The following ANKRD17 variants were observed in gnomAD, a reference collection of about 807,000 sequenced individuals.
ANKRD17 encodes ankyrin repeat domain-containing protein 17.
ANKRD17 carries 19 observed loss-of-function variants against 229.7 expected under a neutral mutation model. That is an observed-to-expected ratio of 0.08 (90% CI 0.06 to 0.12). The LOEUF (loss-of-function observed/expected upper bound fraction) is 0.12, where lower values mean the gene tolerates loss of function less well. Ranked by LOEUF, ANKRD17 falls within the 10% of genes least tolerant of loss-of-function variation. The pLI is 1.00. For missense variants in ANKRD17, 2,176 were observed against 3,176.8 expected (o/e 0.68, Z 7.57); for synonymous variants, 1,112 against 1,146.1 (o/e 0.97, Z 0.60).
At chr4:73,236,014 A>G (rs1465310640) in intron 1 of ANKRD17, among the ~76,000 whole-genome samples, 1 of 151,528 alleles carries the variant, frequency 6.6e-6, no homozygotes, top group African/African-American at 2.4e-5. Flanking sequence ...ATAATTTAAA[A>G]TTTTCTAGCA....
At chr4:73,151,558 ATTT>A in intron 6 of ANKRD17, 34 bp from the exon 7 acceptor site, 1 of 1,365,314 alleles carries the variant, frequency 7.3e-7, no homozygotes, top group Middle Eastern at 1.9e-4. Flanking sequence ...ACTTGAAAAT[ATTT>A]TATTATTCCA....
chr4:73,199,358 C>T (rs1194235121), intron 1 of ANKRD17, among the ~76,000 whole-genome samples: 2 of 152,048 alleles, frequency 1.3e-5, no homozygotes, highest in African/African-American at 4.8e-5. Context: ...TGCCAAGCAC[C>T]TTTCATTCAT....
intron 3 of ANKRD17, among the ~76,000 whole-genome samples, chr4:73,160,800 C>T (rs562667581): frequency 1.1e-4 from 16 of 152,278 alleles, no homozygotes; most frequent in East Asian, 9.6e-4. Context: ...GTCAGAACTA[C>T]GCAAATGAAC....
chr4:73,235,743 G>A (rs1412568744), intron 1 of ANKRD17, among the ~76,000 whole-genome samples: 4 of 151,758 alleles, frequency 2.6e-5, no homozygotes, highest in Non-Finnish European at 4.4e-5. Context: ...ACCCTCAGAG[G>A]GAAAAAAGGC....
At chr4:73,176,191 C>A (rs780089943) in intron 2 of ANKRD17, among the ~76,000 whole-genome samples, 12 of 152,082 alleles carry the variant, frequency 7.9e-5, no homozygotes, top group Non-Finnish European at 1.6e-4. Flanking sequence ...GGCAAATACA[C>A]ATATGAAAAG....
rs1364840173 is a variant in ANKRD17, at chr4:73,142,670, A to G, written c.2055T>C (p.Ala685=). Reference sequence around the variant, plus strand: ...AACGGTGAGTAGGATCTGCCCCATGAGCCAAAAGTAGTTCCACCACTGCCA... The same window carrying G: ...AACGGTGAGTAGGATCTGCCCCATGGGCCAAAAGTAGTTCCACCACTGCCA... ...GHLAVVELLL[A]HGADPTHRLK... The change falls in exon 12 of 34, where the codon GCT becomes GCC. Residue 685 remains alanine, a synonymous_variant. Transcript: ENST00000358602. 6.2e-7 allele frequency: 1 copy of G among 1,613,948 alleles called. No individual in the cohort carries two copies. The highest frequency in any genetic ancestry group is 1.1e-5 in the South Asian group (1 of 91,088).
intron 24 of ANKRD17, among the ~76,000 whole-genome samples, chr4:73,103,701 A>G (rs1222839636): frequency 1.3e-5 from 2 of 152,312 alleles, no homozygotes; most frequent in African/African-American, 4.8e-5. Flanking sequence ...AACATGTAAA[A>G]CCAGTCCTCA....
At chr4:73,246,731 C>CA (rs1744538084) in intron 1 of ANKRD17, among the ~76,000 whole-genome samples, 1 of 151,802 alleles carries the variant, frequency 6.6e-6, no homozygotes, top group Admixed American at 6.6e-5. Context: ...AGATGACCAA[C>CA]AAAAAACAGT....
chr4:73,123,437 C>T (rs1330938124), intron 18 of ANKRD17, among the ~76,000 whole-genome samples: 2 of 151,938 alleles, frequency 1.3e-5, no homozygotes, highest in African/African-American at 4.8e-5. Flanking sequence ...AAAAAAGTGA[C>T]ACAAGTAGAA....
chr4:73,250,589 CAAAAAAAAA>C lies in ANKRD17; in HGVS notation c.393+7678_393+7686del, dbSNP rs35160047. Among the ~76,000 whole-genome samples the C allele has an allele frequency of 4.6e-3, 135 of 29,412 alleles. 2 individuals are homozygous for C. Among genetic ancestry groups the C allele is most frequent in the Middle Eastern group, 0.038 (1 of 26 alleles). The allele number at this position is 29,412 out of a possible 152,430, so 19.3% of individuals were successfully genotyped here. A position where few individuals can be genotyped will look rare whatever the true frequency, so the allele number is the denominator to read the frequency against. ...CACTCCAGCATAGATGACCTTGTCT[CAAAAAAAAA>C]AAAAAAAAAAAAAAAAACAGAAAAA... is the stretch of plus-strand genomic sequence containing the variant. On this transcript the variant is annotated intron_variant, in intron 1 of 33. Transcript: ENST00000358602.
intron 24 of ANKRD17, among the ~76,000 whole-genome samples, chr4:73,105,040 G>A (rs1004925045): frequency 3.3e-5 from 5 of 152,086 alleles, no homozygotes; most frequent in African/African-American, 1.2e-4. Flanking sequence ...TTTTAAAGCC[G>A]GCGTTTTGAT....
At chr4:73,197,068 T>A (rs1737985312) in intron 1 of ANKRD17, among the ~76,000 whole-genome samples, 1 of 152,168 alleles carries the variant, frequency 6.6e-6, no homozygotes, top group Non-Finnish European at 1.5e-5. Context: ...ACATTCTGAT[T>A]AGGACCTCTG....
intron 1 of ANKRD17, among the ~76,000 whole-genome samples, chr4:73,240,757 G>C (rs1743947043): frequency 6.6e-6 from 1 of 150,948 alleles, no homozygotes. Flanking sequence ...AGTACAAGTA[G>C]CCAATTTTAG....
Position 73,091,534 on chromosome 4 carries a change from G to A in ANKRD17, c.6094C>T (p.Pro2032Ser). The change falls in exon 29 of 34, where the codon CCT (proline) becomes TCT (serine). Residue 2032 changes from proline to serine, a missense_variant. Coordinates refer to ENST00000358602, the MANE Select transcript of ANKRD17 (RefSeq NM_032217.5). ...TAPTNATYPM[P>S]TAKEHYPVSS... ...ACTGGATAGTGTTCTTTGGCAGTAG[G>A]CATAGGATATGTGGCATTTGTGGGT... The A allele has an allele frequency of 6.2e-7, 1 of 1,614,172 alleles. No homozygotes were observed.
At chr4:73,081,295 A>C (rs1560490878) in intron 30 of ANKRD17, among the ~76,000 whole-genome samples, 2 of 152,184 alleles carry the variant, frequency 1.3e-5, no homozygotes, top group Non-Finnish European at 2.9e-5. Flanking sequence ...TTTAGGTGTA[A>C]AGAGAGCAGA....
At chr4:73,219,431 CT>C (rs1578437558) in intron 1 of ANKRD17, among the ~76,000 whole-genome samples, 1 of 152,146 alleles carries the variant, frequency 6.6e-6, no homozygotes, top group Admixed American at 6.5e-5. Flanking sequence ...GTGGATTTCC[CT>C]TGTTTGACCT....
At chr4:73,112,985 G>GC in intron 24 of ANKRD17, 1 of 634,886 alleles carries the variant, frequency 1.6e-6, no homozygotes, top group African/African-American at 2.0e-5. Context: ...ACGGTGTTTT[G>GC]CCATGTTGGC....
intron 5 of ANKRD17, among the ~76,000 whole-genome samples, chr4:73,154,665 C>T (rs1399086088): frequency 1.3e-5 from 2 of 151,988 alleles, no homozygotes; most frequent in South Asian, 2.1e-4. Flanking sequence ...ATAAAAATTT[C>T]CCATGTTACA....
In ANKRD17 at chr4:73,132,041, TTTGA is replaced by T. The variant is rs369475451; in HGVS notation, c.3234+3072_3234+3075del. ...TCAAAACAAAAACTTTGAGCTTTTGTTTGATTGAGTATAAAAGGATCTTCATTTT... is the reference window on the plus strand; with the variant it reads ...TCAAAACAAAAACTTTGAGCTTTTGTTTGAGTATAAAAGGATCTTCATTTT... On this transcript the variant is annotated intron_variant, in intron 16 of 33. Transcript: ENST00000358602. Among the ~76,000 whole-genome samples, 192 of 152,204 alleles carry T rather than the reference TTTGA, an allele frequency of 1.3e-3. 3 individuals carry two copies. Among genetic ancestry groups the T allele is most frequent in the African/African-American group, 4.2e-3 (175 of 41,534 alleles).
Sources: gnomAD v4.1 joint callset for allele counts (sites outside exome capture counted in the v4.1 genomes callset) on GRCh38, gnomAD v4.1.1 for gene constraint, MANE v1.5 for transcripts, NCBI Gene and HGNC (gene_info 2026-07-23, HGNC 2026-07-21) for gene names.